EPHA6: variants seen among roughly 807,000 people sequenced by gnomAD.
EPHA6 encodes EPH receptor A6.
EPHA6 carries 50 observed loss-of-function variants against 112.0 expected under a neutral mutation model. The observed-to-expected ratio is 0.45, with a 90% CI of 0.36 to 0.56. EPHA6 has a LOEUF of 0.56. Among genes scored for constraint, EPHA6 ranks in the 20% least tolerant of loss-of-function variants. The pLI, the probability that EPHA6 is intolerant of heterozygous loss-of-function variation, is 0.00. For synonymous variants in EPHA6, 529 were observed against 490.7 expected (o/e 1.08, Z -1.03); for missense variants, 1,280 against 1,417.4 (o/e 0.90, Z 1.56).
intron 10 of EPHA6, among the ~76,000 whole-genome samples, chr3:97,501,795 G>T (rs141769916): frequency 4.7e-4 from 71 of 151,960 alleles, no homozygotes; most frequent in African/African-American, 1.6e-3. Flanking sequence ...AAAGAGAAAG[G>T]GAATAAAAGA....
chr3:97,011,425 T>C (rs2044080978), intron 3 of EPHA6, among the ~76,000 whole-genome samples: 1 of 152,156 alleles, frequency 6.6e-6, no homozygotes, highest in African/African-American at 2.4e-5. Context: ...GATTAGCCTT[T>C]GGACATTTCA....
chr3:96,935,753 T>TTATATATATGCACACATTA (rs2040549372), intron 2 of EPHA6, among the ~76,000 whole-genome samples: 1 of 146,822 alleles, frequency 6.8e-6, no homozygotes, highest in Admixed American at 6.9e-5. Flanking sequence ...TATGCACACA[T>TTATATATATGCACACATTA]TATATATATG....
intron 6 of EPHA6, among the ~76,000 whole-genome samples, chr3:97,446,297 ATTCGG>A (rs563362478): frequency 0.013 from 1,957 of 152,242 alleles, 35 homozygotes; most frequent in African/African-American, 0.044. Flanking sequence ...GTAGTGAGTG[ATTCGG>A]GCTGAAGAAC....
chr3:97,302,721 G>A (rs1412755723), intron 5 of EPHA6, among the ~76,000 whole-genome samples: 2 of 151,720 alleles, frequency 1.3e-5, no homozygotes, highest in East Asian at 3.9e-4. Flanking sequence ...GGCACAGCAA[G>A]ACTTATTACC....
intron 3 of EPHA6, among the ~76,000 whole-genome samples, chr3:97,048,453 A>G (rs2045583016): frequency 6.6e-6 from 1 of 152,298 alleles, no homozygotes; most frequent in African/African-American, 2.4e-5. Flanking sequence ...CTTGTTACAG[A>G]TTTGGGGCTT....
intron 1 of EPHA6, among the ~76,000 whole-genome samples, chr3:96,852,812 A>G (rs998210279): frequency 6.6e-6 from 1 of 152,134 alleles, no homozygotes; most frequent in African/African-American, 2.4e-5. Context: ...CTCACCTGGG[A>G]TTGGGACCTT....
chr3:97,584,399 T>C (rs2093469094), intron 11 of EPHA6, among the ~76,000 whole-genome samples: 1 of 152,218 alleles, frequency 6.6e-6, no homozygotes, highest in African/African-American at 2.4e-5. Flanking sequence ...TTTTATTTGA[T>C]ATCTGCAGTG....
chr3:97,143,472 T>TC (rs1223514369), intron 3 of EPHA6, among the ~76,000 whole-genome samples: 3 of 151,822 alleles, frequency 2.0e-5, no homozygotes, highest in South Asian at 4.1e-4. Flanking sequence ...TTGTACCATA[T>TC]CTGTATTCTC....
chr3:96,831,773 CA>C (rs2034097588), intron 1 of EPHA6, among the ~76,000 whole-genome samples: 1 of 151,890 alleles, frequency 6.6e-6, no homozygotes, highest in Non-Finnish European at 1.5e-5. Context: ...CTAACATAAA[CA>C]GAAAATAAAT....
At chr3:97,025,658 C>T (rs1226963378) in intron 3 of EPHA6, among the ~76,000 whole-genome samples, 3 of 152,054 alleles carry the variant, frequency 2.0e-5, no homozygotes, top group Non-Finnish European at 4.4e-5. Flanking sequence ...GCGCGATCTC[C>T]GCTCACTGCA....
chr3:97,343,893 A>G (rs2083423428), intron 5 of EPHA6, among the ~76,000 whole-genome samples: 2 of 152,142 alleles, frequency 1.3e-5, no homozygotes, highest in South Asian at 4.1e-4. Context: ...AAGACCAAGC[A>G]TTGAGAGACA....
chr3:97,226,813 C>T (rs562363297), intron 4 of EPHA6, among the ~76,000 whole-genome samples: 39 of 152,240 alleles, frequency 2.6e-4, no homozygotes, highest in African/African-American at 7.7e-4. Flanking sequence ...ATAGTTAACG[C>T]GTGAGGGAGA....
intron 5 of EPHA6, among the ~76,000 whole-genome samples, chr3:97,256,199 T>A (rs2079307238): frequency 6.6e-6 from 1 of 152,112 alleles, no homozygotes; most frequent in South Asian, 2.1e-4. Context: ...CTACTAATTT[T>A]AATTTTATTC....
rs562238302 is a variant in EPHA6 at position 97,419,627 on chromosome 3, A to T, written c.1731+14353A>T. Among the ~76,000 whole-genome samples the T allele has an allele frequency of 4.8e-3, 737 of 152,018 alleles. 7 individuals carry two copies. The highest frequency in any genetic ancestry group is 0.017 in the African/African-American group (707 of 41,364). The stretch of plus-strand genomic sequence containing the variant: ...GTGACAGAATGAGACTCCCTCTCAC[A>T]CACACACACACACACAAGAATTTAA... On this transcript the variant is annotated intron_variant, in intron 6 of 17. Coordinates refer to ENST00000389672, the MANE Select transcript of EPHA6 (RefSeq NM_001080448.3).
chr3:97,332,063 T>TC (rs1350091178), intron 5 of EPHA6, among the ~76,000 whole-genome samples: 2 of 152,148 alleles, frequency 1.3e-5, no homozygotes, highest in Non-Finnish European at 2.9e-5. Context: ...TCCACCATGA[T>TC]CAAGTGGGCT....
chr3:97,436,617 T>G (rs943166377), intron 6 of EPHA6, among the ~76,000 whole-genome samples: 1 of 152,200 alleles, frequency 6.6e-6, no homozygotes, highest in African/African-American at 2.4e-5. Context: ...ACTTTACATA[T>G]ATTCACAAAT....
At chr3:97,249,046 TAA>T (rs200772346) in intron 5 of EPHA6, among the ~76,000 whole-genome samples, 25 of 139,016 alleles carry the variant, frequency 1.8e-4, no homozygotes, top group East Asian at 4.2e-4. Context: ...CTATTCAAAG[TAA>T]AAAAAAAAAA....
At chr3:97,382,689 CA>C in intron 5 of EPHA6, among the ~76,000 whole-genome samples, 1 of 151,930 alleles carries the variant, frequency 6.6e-6, no homozygotes, top group Non-Finnish European at 1.5e-5. Flanking sequence ...CAGTTATATA[CA>C]AAAAGAGACT....
chr3:97,201,799 G>A (rs919737226), intron 3 of EPHA6, among the ~76,000 whole-genome samples: 5 of 152,052 alleles, frequency 3.3e-5, no homozygotes, highest in Non-Finnish European at 7.4e-5. Context: ...AATTAAGAAA[G>A]TGCTGTTATA....
Sources: allele counts gnomAD v4.1 joint callset (sites outside exome capture counted in the v4.1 genomes callset), GRCh38; gene constraint gnomAD v4.1.1; transcripts MANE v1.5; gene names NCBI Gene and HGNC (gene_info 2026-07-23, HGNC 2026-07-21).